ESF1: variants seen among roughly 807,000 people sequenced by gnomAD.
ESF1 encodes the protein ESF1 homolog.
ESF1 carries 58 observed loss-of-function variants against 92.0 expected under a neutral mutation model. That is an observed-to-expected ratio of 0.63 (90% confidence interval 0.51 to 0.78). The LOEUF is 0.78. Ranked by LOEUF, ESF1 falls within the 30% of genes least tolerant of loss-of-function variation. The pLI is 0.00. For synonymous variants in ESF1, 321 were observed against 313.7 expected, an observed-to-expected ratio of 1.02 and a Z score of -0.24; for missense variants, 922 against 989.1, an observed-to-expected ratio of 0.93 and a Z score of 0.91.
At chr20:13,761,379 A>T (rs950552636) in intron 8 of ESF1, among the ~76,000 whole-genome samples, 2 of 150,162 alleles carry the variant, frequency 1.3e-5, no homozygotes, top group African/African-American at 4.9e-5. Context: ...ATGATCAATT[A>T]AAAAAAAATA....
chr20:13,774,548 C>G (rs924297900), intron 4 of ESF1, among the ~76,000 whole-genome samples: 8 of 152,148 alleles, frequency 5.3e-5, no homozygotes, highest in South Asian at 4.1e-4. Flanking sequence ...ATCACCAATA[C>G]TATTGTTATA....
intron 9 of ESF1, among the ~76,000 whole-genome samples, chr20:13,744,353 A>G (rs577768880): frequency 2.0e-5 from 3 of 152,366 alleles, no homozygotes; most frequent in Admixed American, 6.5e-5. Context: ...ATCAGAATCA[A>G]TAAGACAAAG....
At chr20:13,719,070 T>A in intron 11 of ESF1, 86 bp from the exon 12 acceptor site, 1 of 810,828 alleles carries the variant, frequency 1.2e-6, no homozygotes, top group Non-Finnish European at 1.8e-6. Flanking sequence ...AAATATAAGA[T>A]ATCTAGGAAT....
rs140524554 is a variant in ESF1 at position 13,769,640 on chromosome 20, G to A, written c.1518+267C>T. On this transcript the variant is annotated intron_variant, in intron 7 of 13. Coordinates refer to ENST00000617257, the MANE Select transcript of ESF1 (RefSeq NM_001276380.2). The stretch of plus-strand genomic sequence containing the variant: ...GTCCCTAGTAAAAATACAAAAATTA[G>A]CCAGGTGTAGTGGTACACACCTGTA... Among the ~76,000 whole-genome samples, 290 of 152,236 alleles carry A rather than the reference G, an allele frequency of 1.9e-3. 2 individuals are homozygous for A. In the Middle Eastern group the frequency reaches 0.027, roughly 14 times the overall value.
At chr20:13,762,406 A>G (rs532606749) in intron 8 of ESF1, among the ~76,000 whole-genome samples, 11 of 152,320 alleles carry the variant, frequency 7.2e-5, no homozygotes, top group African/African-American at 2.6e-4. Context: ...ACAAATGGCA[A>G]AGTATTTCTT....
At position 13,776,289 on chromosome 20, in the gene ESF1, G is replaced by C; in HGVS notation, c.638-19C>G. The C allele has an allele frequency of 1.9e-6, 3 of 1,578,192 alleles. No homozygotes were observed. Among genetic ancestry groups the C allele is most frequent in the Non-Finnish European group, 2.6e-6 (3 of 1,164,542 alleles). ...TGAACCACTGCAAAATGTTAAAGGG[G>C]AAAGAAATTAAGAAAAGATATATGC... is the stretch of plus-strand genomic sequence containing the variant. On this transcript the variant is annotated intron_variant, in intron 2 of 13. Coordinates refer to ENST00000617257, the MANE Select transcript of ESF1 (RefSeq NM_001276380.2).
intron 9 of ESF1, among the ~76,000 whole-genome samples, chr20:13,757,171 C>T (rs1246513535): frequency 6.6e-6 from 1 of 152,012 alleles, no homozygotes; most frequent in Non-Finnish European, 1.5e-5. Flanking sequence ...ACCCTAATAC[C>T]AAAAACCAAT....
At chr20:13,739,781 T>C (rs1391107086) in intron 9 of ESF1, among the ~76,000 whole-genome samples, 1 of 146,446 alleles carries the variant, frequency 6.8e-6, no homozygotes, top group Non-Finnish European at 1.5e-5. Flanking sequence ...AAGCAAGGAG[T>C]TTTCCTTGGG....
At chr20:13,727,224 A>G (rs1568710161) in intron 11 of ESF1, among the ~76,000 whole-genome samples, 1 of 152,246 alleles carries the variant, frequency 6.6e-6, no homozygotes, top group Non-Finnish European at 1.5e-5. Context: ...ACCAGAGGAT[A>G]AGGCTAAAAT....
At chr20:13,775,057 T>C in intron 4 of ESF1, 100 bp downstream of exon 4, 1 of 722,408 alleles carries the variant, frequency 1.4e-6, no homozygotes, top group Admixed American at 2.9e-5. Context: ...TTCCACAGTA[T>C]TTTCCTAAAA....
intron 2 of ESF1, among the ~76,000 whole-genome samples, chr20:13,781,498 T>C (rs574290230): frequency 4.9e-4 from 75 of 152,278 alleles, no homozygotes; most frequent in African/African-American, 1.6e-3. Context: ...GCACAAAGTT[T>C]AGCAGGCTGT....
intron 9 of ESF1, among the ~76,000 whole-genome samples, chr20:13,753,839 G>A (rs969834548): frequency 2.0e-5 from 3 of 152,074 alleles, no homozygotes; most frequent in Non-Finnish European, 4.4e-5. Context: ...GCAATTTTTT[G>A]AATTTTTGCA....
intron 11 of ESF1, among the ~76,000 whole-genome samples, chr20:13,723,570 A>G (rs549693637): frequency 7.0e-6 from 1 of 143,226 alleles, no homozygotes; most frequent in Non-Finnish European, 1.6e-5. Flanking sequence ...AGAAAAAATT[A>G]TAAAAGATAG....
chr20:13,769,829 A>G lies in ESF1; in HGVS notation c.1518+78T>C, dbSNP rs1979599664. The G allele has an allele frequency of 6.5e-6, 6 of 927,874 alleles. No individual in the cohort carries two copies. The South Asian group carries it at 8.8e-5, about 14-fold the overall frequency. 57.5% of individuals were successfully genotyped at this position (927,874 alleles called of 1,614,324 possible). ...AAAAATTAATACTTTCCATTTTTAAAGATGCTATAAGTAATATACAAAATC... is the reference window on the plus strand; with the variant it reads ...AAAAATTAATACTTTCCATTTTTAAGGATGCTATAAGTAATATACAAAATC... On this transcript the variant is annotated intron_variant, in intron 7 of 13. Coordinates refer to ENST00000617257, the MANE Select transcript of ESF1 (RefSeq NM_001276380.2).
At chr20:13,748,556 A>ATG (rs1978418331) in intron 9 of ESF1, among the ~76,000 whole-genome samples, 3 of 47,740 alleles carry the variant, frequency 6.3e-5, no homozygotes, top group African/African-American at 2.3e-4. Context: ...GTGTATATAT[A>ATG]TATATATATG....
chr20:13,784,035 G>C (rs1044267358), intron 1 of ESF1, among the ~76,000 whole-genome samples: 3 of 152,280 alleles, frequency 2.0e-5, no homozygotes, highest in Non-Finnish European at 4.4e-5. Context: ...GTAATAAAAA[G>C]TTTAAAAATA....
chr20:13,771,960 C>G (rs1489351026), intron 5 of ESF1, among the ~76,000 whole-genome samples: 1 of 141,762 alleles, frequency 7.1e-6, no homozygotes, highest in Non-Finnish European at 1.5e-5. Context: ...ACTGATACAA[C>G]TCTTTCTTTG....
chr20:13,723,377 T>C (rs770156505), intron 11 of ESF1, among the ~76,000 whole-genome samples: 1 of 151,912 alleles, frequency 6.6e-6, no homozygotes, highest in Non-Finnish European at 1.5e-5. Flanking sequence ...TGCTTTACAA[T>C]GTTGTAAAAT....
At chr20:13,722,203 T>G (rs2049872807) in intron 11 of ESF1, among the ~76,000 whole-genome samples, 1 of 152,050 alleles carries the variant, frequency 6.6e-6, no homozygotes. Flanking sequence ...GTGAAGAGTC[T>G]TAAAAATAAA....
Sources: allele counts gnomAD v4.1 joint callset (sites outside exome capture counted in the v4.1 genomes callset), GRCh38; gene constraint gnomAD v4.1.1; transcripts MANE v1.5; gene names NCBI Gene and HGNC (gene_info 2026-07-23, HGNC 2026-07-21).